ANAPC7: variants seen among roughly 807,000 people sequenced by gnomAD.
The protein encoded by ANAPC7 is anaphase-promoting complex subunit 7.
A neutral mutation model predicts 63.3 loss-of-function variants in ANAPC7; 25 were observed. The observed-to-expected ratio is 0.39, with a 90% CI of 0.29 to 0.55. The LOEUF (loss-of-function observed/expected upper bound fraction) is 0.55, where lower values mean the gene tolerates loss of function less well. Among genes scored for constraint, ANAPC7 ranks in the 20% least tolerant of loss-of-function variants. The pLI is 0.57. For synonymous variants in ANAPC7, 241 were observed against 251.7 expected, an observed-to-expected ratio of 0.96 and a Z score of 0.40; for missense variants, 516 against 691.7, an observed-to-expected ratio of 0.75 and a Z score of 2.85.
chr12:110,382,818 G>C, intron 7 of ANAPC7, 25 bp downstream of exon 7: 1 of 1,550,270 alleles, frequency 6.5e-7, no homozygotes, highest in Non-Finnish European at 8.9e-7. Context: ...GACAACTGGG[G>C]AGAAAAGAGA....
At chr12:110,379,343 A>G (rs1359487495) in intron 8 of ANAPC7, among the ~76,000 whole-genome samples, 1 of 152,222 alleles carries the variant, frequency 6.6e-6, no homozygotes, top group African/African-American at 2.4e-5. Context: ...ACTGTAAGAA[A>G]TATCAAAGGG....
intron 8 of ANAPC7, chr12:110,378,486 G>A (rs56122570): frequency 0.14 from 20,835 of 152,188 alleles, 2,084 homozygotes; most frequent in African/African-American, 0.28. Flanking sequence ...TATTTGAAAC[G>A]TAACAGCTGT....
At position 110,391,617 on chromosome 12, in the gene ANAPC7, G is replaced by A. The variant is rs1883090285; in HGVS notation, c.409-2994C>T. Among the ~76,000 whole-genome samples, 2 of 152,262 alleles carry A rather than the reference G, an allele frequency of 1.3e-5. 1 individual carries two copies. The highest frequency in any genetic ancestry group is 1.3e-4 in the Admixed American group (2 of 15,282). On this transcript the variant is annotated intron_variant, in intron 3 of 10. Coordinates refer to ENST00000455511, the MANE Select transcript of ANAPC7 (RefSeq NM_016238.3). The stretch of plus-strand genomic sequence containing the variant: ...AGGATATGTACTGCTGACAAATGCA[G>A]ACTCATACAGGTGCTCTAAGAATGA...
rs2062263953 is a variant in ANAPC7 at position 110,403,527 on chromosome 12, G to A, written c.101C>T (p.Pro34Leu). 6.3e-7 allele frequency: 1 copy of A among 1,597,434 alleles called. No homozygotes were observed. The highest frequency in any genetic ancestry group is 8.5e-7 in the Non-Finnish European group (1 of 1,172,934). Residue 34 changes from proline to leucine, a missense_variant and splice_region_variant, in exon 1 of 11, where the codon CCT becomes CTT. Pro to Leu is a moderately conservative substitution (Grantham distance 98). This residue lies in a region of ANAPC7 where 185 missense variants were observed against 200.3 expected (regional missense o/e 0.92). Transcript: ENST00000455511. Reference sequence around the variant, plus strand: ...CAGGCAGCTACCCGCCTCAACTCACGGGTTGTTATTACTCATTGTAAGTAA... The same window carrying A: ...CAGGCAGCTACCCGCCTCAACTCACAGGTTGTTATTACTCATTGTAAGTAA... ...SLLLTMSNNN[P>L]ELFSPPQKYQ...
chr12:110,382,457 A>T (rs865792110), intron 7 of ANAPC7, among the ~76,000 whole-genome samples: 3,676 of 61,498 alleles, frequency 0.06, 89 homozygotes, highest in Non-Finnish European at 0.07. Context: ...AAAAAAAAAA[A>T]AAAAATATAT....
In ANAPC7 at chr12:110,377,582, G is replaced by A. The variant is rs1198509709; in HGVS notation, c.1168C>T (p.Arg390Ter). ...IECYLASNSIREAMVMANNVY... is the reference protein window; with the variant it reads ...IECYLASNSI ...TTGTTAGCCATTACCATTGCTTCTC[G>A]AATACTGTTGGAGGCTAAGTAACAT... Residue 390 changes from arginine to a stop codon, truncating the protein, a stop_gained, in exon 9 of 11, where the codon CGA becomes TGA. Coordinates refer to ENST00000455511, the MANE Select transcript of ANAPC7 (RefSeq NM_016238.3). LOFTEE classifies it high-confidence loss of function. 4 of 1,614,022 alleles carry A rather than the reference G, an allele frequency of 2.5e-6. No homozygotes were observed. Among genetic ancestry groups the A allele is most frequent in the Non-Finnish European group, 2.5e-6 (3 of 1,180,032 alleles).
intron 1 of ANAPC7, 30 bp downstream of exon 1, chr12:110,403,497 A>G (rs2062263391): frequency 6.4e-7 from 1 of 1,557,704 alleles, no homozygotes; most frequent in Admixed American, 1.9e-5. Flanking sequence ...CTTTCTCCTC[A>G]GCCCCAGGCA....
chr12:110,376,280 C>T (rs1009161790), intron 9 of ANAPC7, 64 bp from the exon 10 acceptor site: 14 of 1,578,858 alleles, frequency 8.9e-6, no homozygotes, highest in Non-Finnish European at 1.2e-5. Flanking sequence ...ACCATTCTGA[C>T]CATCTCTTTG....
chr12:110,378,481 GA>G (rs1881505457), intron 8 of ANAPC7: 2 of 152,206 alleles, frequency 1.3e-5, no homozygotes, highest in South Asian at 4.1e-4. Context: ...TCTTTTATTT[GA>G]AACGTAACAG....
In ANAPC7 at chr12:110,381,954, GAAAAAAA is replaced by G. The variant is rs35699984; in HGVS notation, c.936-13_936-7del. On this transcript the variant is annotated splice_polypyrimidine_tract_variant and splice_region_variant and intron_variant, in intron 7 of 10. Coordinates refer to ENST00000455511, the MANE Select transcript of ANAPC7 (RefSeq NM_016238.3). ...TGCTATAGAAGCTGTGACAGCTGGA[GAAAAAAA>G]AAAAAAAAAAAACACAAAAACCCCA... The G allele has an allele frequency of 4.2e-5, 41 of 975,426 alleles. No homozygotes were observed. The highest frequency in any genetic ancestry group is 4.7e-5 in the Non-Finnish European group (35 of 742,764). The allele number at this position is 975,426 out of a possible 1,614,324, so 60.4% of individuals were successfully genotyped here. A position where few individuals can be genotyped will look rare whatever the true frequency, so the allele number is the denominator to read the frequency against.
In ANAPC7 at chr12:110,382,467, T is replaced by A. The variant is rs867233352; in HGVS notation, c.935+376A>T. ...AAAAAAAAAAAAAAAAAAAAATATA[T>A]ATATATATATATATATATATATATA... is the stretch of plus-strand genomic sequence containing the variant. On this transcript the variant is annotated intron_variant, in intron 7 of 10. Coordinates refer to ENST00000455511, the MANE Select transcript of ANAPC7 (RefSeq NM_016238.3). 3.2e-3 allele frequency among the ~76,000 whole-genome samples: 365 copies of A among 115,522 alleles called. 2 individuals carry two copies. The highest frequency in any genetic ancestry group is 0.02 in the South Asian group (71 of 3,582). The allele number at this position is 115,522 out of a possible 152,430, so 75.8% of individuals were successfully genotyped here.
chr12:110,386,556 C>T (rs1184842709), intron 5 of ANAPC7, 87 bp from the exon 6 acceptor site: 3 of 1,208,568 alleles, frequency 2.5e-6, no homozygotes, highest in Non-Finnish European at 3.5e-6. Context: ...CATACAGATA[C>T]TATTTTCTTT....
intron 7 of ANAPC7, among the ~76,000 whole-genome samples, chr12:110,382,391 T>C (rs1220729485): frequency 1.0e-4 from 14 of 137,482 alleles, no homozygotes; most frequent in Admixed American, 7.2e-4. Context: ...AGGTAAATAA[T>C]GCATCCAGAG....
At position 110,386,602 on chromosome 12, in the gene ANAPC7, T is replaced by TA. The variant is rs1882477031; in HGVS notation, c.675-134dup. 27 of 896,962 alleles carry TA rather than the reference T, an allele frequency of 3.0e-5. No individual in the cohort carries two copies. In the South Asian group the frequency reaches 4.2e-4, roughly 14 times the overall value. 55.6% of individuals were successfully genotyped at this position (896,962 alleles called of 1,614,324 possible). ...TAAAATTCTTCGTAATAAAAAACTT[T>TA]AAGCTTATGACTTTAAAAAAAGTTA... On this transcript the variant is annotated intron_variant, in intron 5 of 10. Coordinates refer to ENST00000455511, the MANE Select transcript of ANAPC7 (RefSeq NM_016238.3).
intron 1 of ANAPC7, among the ~76,000 whole-genome samples, chr12:110,397,223 C>G (rs891046777): frequency 2.7e-5 from 4 of 149,912 alleles, no homozygotes. Context: ...AAAACCAATG[C>G]ACAAAAAGAA....
At chr12:110,376,447 T>A (rs1371451457) in intron 9 of ANAPC7, among the ~76,000 whole-genome samples, 1 of 151,168 alleles carries the variant, frequency 6.6e-6, no homozygotes, top group South Asian at 2.1e-4. Context: ...CAGGTGCCTG[T>A]AGTCCCAGCT....
At chr12:110,375,886 T>A in intron 10 of ANAPC7, 180 bp downstream of exon 10, 1 of 1,324,162 alleles carries the variant, frequency 7.6e-7, no homozygotes, top group Non-Finnish European at 9.6e-7. Flanking sequence ...TGTTAATATA[T>A]TTTAAGAAAA....
chr12:110,402,287 G>A (rs937190516), intron 1 of ANAPC7, among the ~76,000 whole-genome samples: 1 of 152,102 alleles, frequency 6.6e-6, no homozygotes, highest in Non-Finnish European at 1.5e-5. Context: ...GCAGATATTT[G>A]CCTTCAGAGG....
intron 6 of ANAPC7, among the ~76,000 whole-genome samples, chr12:110,383,875 CAAAAAAAAA>C (rs1159374781): frequency 2.0e-5 from 1 of 50,676 alleles, no homozygotes; most frequent in Non-Finnish European, 3.8e-5. Flanking sequence ...GACTCCGTCT[CAAAAAAAAA>C]AAAAAAAAAA....
Sources: gnomAD v4.1 joint callset for allele counts (sites outside exome capture counted in the v4.1 genomes callset) on GRCh38, gnomAD v4.1.1 for gene constraint, gnomAD v4.1.1 regional missense constraint, MANE v1.5 for transcripts, NCBI Gene and HGNC (gene_info 2026-07-23, HGNC 2026-07-21) for gene names.